The following PTPN11 variants were observed in gnomAD, a reference collection of about 807,000 sequenced individuals.
PTPN11 encodes the protein tyrosine-protein phosphatase non-receptor type 11.
Under a neutral mutation model 78.8 loss-of-function variants are expected in PTPN11, and 6 were observed. That is an observed-to-expected ratio of 0.08 (90% CI 0.04 to 0.15). The LOEUF (loss-of-function observed/expected upper bound fraction) is 0.15, where lower values mean the gene tolerates loss of function less well. Ranked by LOEUF, PTPN11 falls within the 10% of genes least tolerant of loss-of-function variation. The pLI, the probability that PTPN11 is intolerant of heterozygous loss-of-function variation, is 1.00. For synonymous variants in PTPN11, 221 were observed against 263.5 expected (o/e 0.84, Z 1.56); for missense variants, 386 against 744.8 (o/e 0.52, Z 5.61).
At chr12:112,468,587 G>A (rs1164291854) in intron 6 of PTPN11, among the ~76,000 whole-genome samples, 1 of 152,208 alleles carries the variant, frequency 6.6e-6, no homozygotes, top group Non-Finnish European at 1.5e-5. Context: ...GAGATGTGCT[G>A]TTAGCTATTA....
At chr12:112,447,753 G>A (rs1359205827) in intron 2 of PTPN11, among the ~76,000 whole-genome samples, 1 of 151,158 alleles carries the variant, frequency 6.6e-6, no homozygotes, top group African/African-American at 2.4e-5. Context: ...GCCTGCCTTG[G>A]CCTCCCAAAG....
At chr12:112,466,823 G>A (rs1481900920) in intron 6 of PTPN11, among the ~76,000 whole-genome samples, 1 of 152,190 alleles carries the variant, frequency 6.6e-6, no homozygotes, top group Non-Finnish European at 1.5e-5. Flanking sequence ...GCTCAGAGCA[G>A]TGCAGGCGAA....
At chr12:112,474,813 TAG>T (rs2038474195) in intron 7 of PTPN11, among the ~76,000 whole-genome samples, 2 of 152,014 alleles carry the variant, frequency 1.3e-5, no homozygotes, top group South Asian at 4.2e-4. Flanking sequence ...ATTTTTTTTG[TAG>T]AGACAGGGTT....
At chr12:112,447,164 C>T (rs1042118170) in intron 2 of PTPN11, among the ~76,000 whole-genome samples, 1 of 151,962 alleles carries the variant, frequency 6.6e-6, no homozygotes, top group African/African-American at 2.4e-5. Context: ...CCACCACACT[C>T]AGACTTTGTT....
At chr12:112,486,055 A>G (rs1434567856) in intron 10 of PTPN11, among the ~76,000 whole-genome samples, 3 of 152,076 alleles carry the variant, frequency 2.0e-5, no homozygotes, top group Non-Finnish European at 2.9e-5. Context: ...CAAAAAAATA[A>G]CAAAGAGGAA....
At chr12:112,489,390 C>T (rs1049388081) in intron 13 of PTPN11, among the ~76,000 whole-genome samples, 10 of 152,160 alleles carry the variant, frequency 6.6e-5, no homozygotes, top group Admixed American at 6.5e-4. Flanking sequence ...GGAAGGGCAC[C>T]ATCCTATCAG....
intron 1 of PTPN11, among the ~76,000 whole-genome samples, chr12:112,443,233 GT>G (rs947865778): frequency 1.3e-5 from 2 of 151,688 alleles, no homozygotes; most frequent in African/African-American, 2.4e-5. Flanking sequence ...CTTTTATTTT[GT>G]TTGTTTTGGT....
intron 9 of PTPN11, 127 bp from the exon 10 acceptor site, chr12:112,481,937 AAACCTAACAG>A (rs1171167603): frequency 7.5e-6 from 7 of 928,200 alleles, no homozygotes; most frequent in Middle Eastern, 3.4e-4. Context: ...CCTTTTCTGA[AAACCTAACAG>A]ATGCGAAACA....
In PTPN11 at chr12:112,477,857, C is replaced by G. The variant is rs1340471856; in HGVS notation, c.934C>G (p.Pro312Ala). The G allele has an allele frequency of 3.1e-6, 5 of 1,613,958 alleles. No homozygotes were observed. The highest frequency in any genetic ancestry group is 4.2e-6 in the Non-Finnish European group (5 of 1,179,980). ...SDYINANIIM[P>A]EFETKCNNSK... is the part of the protein sequence containing the mutation. ...AAGGATTTTCTTCCTAAATTTCTAGCCTGAATTTGAAACCAAGTGCAACAA... is the reference window on the plus strand; with the variant it reads ...AAGGATTTTCTTCCTAAATTTCTAGGCTGAATTTGAAACCAAGTGCAACAA... The change falls in exon 9 of 16, where the codon CCT becomes GCT. Residue 312 changes from proline (P) to alanine (A), a missense_variant and splice_region_variant. Transcript: ENST00000351677.
rs552257495 is a variant in PTPN11 at position 112,455,066 on chromosome 12, C to T, written c.642+386C>T. Reference sequence around the variant, plus strand: ...AATTCCCGACCTCAGGTTTTCTGCCCGCCTTGGCCTCCCGAAGTTTTGGGA... The same window carrying T: ...AATTCCCGACCTCAGGTTTTCTGCCTGCCTTGGCCTCCCGAAGTTTTGGGA... On this transcript the variant is annotated intron_variant, in intron 5 of 15. Coordinates refer to ENST00000351677, the MANE Select transcript of PTPN11 (RefSeq NM_002834.5). Among the ~76,000 whole-genome samples, 5 of 150,418 alleles carry T rather than the reference C, an allele frequency of 3.3e-5. No homozygotes were observed. The East Asian group carries it at 6.0e-4, about 18-fold the overall frequency.
At chr12:112,446,502 T>G in intron 2 of PTPN11, 104 bp downstream of exon 2, 1 of 1,525,484 alleles carries the variant, frequency 6.6e-7, no homozygotes, top group Non-Finnish European at 9.0e-7. Context: ...TTTGAAGGCC[T>G]TATCTGAGCC....
chr12:112,472,910 A>T (rs755288216), intron 6 of PTPN11, 34 bp from the exon 7 acceptor site: 1 of 1,493,324 alleles, frequency 6.7e-7, no homozygotes, highest in Non-Finnish European at 9.3e-7. Context: ...TGACTCTTTG[A>T]CACGTAATAA....
At chr12:112,439,807 A>C (rs547882745) in intron 1 of PTPN11, among the ~76,000 whole-genome samples, 18 of 151,854 alleles carry the variant, frequency 1.2e-4, no homozygotes, top group Admixed American at 3.3e-4. Flanking sequence ...AAAAACAAAA[A>C]AAAAAACCCA....
intron 1 of PTPN11, among the ~76,000 whole-genome samples, chr12:112,436,801 G>A (rs1185700191): frequency 6.6e-6 from 1 of 151,614 alleles, no homozygotes; most frequent in African/African-American, 2.4e-5. Flanking sequence ...TTGAATTTAA[G>A]TTTCTTGGTT....
Position 112,418,950 on chromosome 12 carries a change from C to A in PTPN11, c.-162C>A. 1.2e-6 allele frequency: 1 copy of A among 841,682 alleles called. No individual in the cohort carries two copies. The highest frequency in any genetic ancestry group is 1.9e-6 in the Non-Finnish European group (1 of 532,536). The allele number at this position is 841,682 out of a possible 1,614,324, so 52.1% of individuals were successfully genotyped here. On this transcript the variant is annotated 5_prime_UTR_variant, in exon 1 of 16. Transcript: ENST00000351677. ...CCGGGCCGGGGGGCAGCTGCACAGT[C>A]TCCGGGATCCCCAGGCCTGGAGGGG...
chr12:112,465,705 T>C (rs771595655), intron 6 of PTPN11, among the ~76,000 whole-genome samples: 61 of 152,172 alleles, frequency 4.0e-4, no homozygotes, highest in Non-Finnish European at 7.5e-4. Context: ...TTACAAACCC[T>C]ACTTCTAGCC....
chr12:112,458,633 C>T (rs893627513), intron 6 of PTPN11, among the ~76,000 whole-genome samples: 5 of 152,168 alleles, frequency 3.3e-5, no homozygotes, highest in African/African-American at 9.7e-5. Flanking sequence ...TCCCAGGCTT[C>T]GCGTTAGGCT....
Position 112,424,253 on chromosome 12 carries a change from T to G in PTPN11, c.14+5128T>G, listed in dbSNP as rs548320888. Among the ~76,000 whole-genome samples, 325 of 152,080 alleles carry G rather than the reference T, an allele frequency of 2.1e-3. 1 individual carries two copies. The highest frequency in any genetic ancestry group is 3.9e-3 in the Non-Finnish European group (266 of 67,948). On this transcript the variant is annotated intron_variant, in intron 1 of 15. Coordinates refer to ENST00000351677, the MANE Select transcript of PTPN11 (RefSeq NM_002834.5). ...GAAGTGGGAGAAGATCTCGGAGTGA[T>G]TGAAGGCTAGGAGAGAGCAAGTGTG...
intron 1 of PTPN11, among the ~76,000 whole-genome samples, chr12:112,426,743 G>A (rs989415355): frequency 1.8e-4 from 28 of 152,226 alleles, no homozygotes; most frequent in African/African-American, 6.7e-4. Context: ...GTGTATGTGT[G>A]TGTAAGTCTT....
Sources: gnomAD v4.1 joint callset for allele counts (sites outside exome capture counted in the v4.1 genomes callset) on GRCh38, gnomAD v4.1.1 for gene constraint, MANE v1.5 for transcripts, NCBI Gene and HGNC (gene_info 2026-07-23, HGNC 2026-07-21) for gene names.